The following UBL3 variants were observed in gnomAD, a reference collection of about 807,000 sequenced individuals.
UBL3 encodes the protein ubiquitin-like protein 3.
A neutral mutation model predicts 18.4 loss-of-function variants in UBL3; 6 were observed. The observed-to-expected ratio is 0.33, with a 90% CI of 0.18 to 0.64. The LOEUF is 0.64. UBL3 is among the 30% of genes least tolerant of loss of function. The pLI, the probability that UBL3 is intolerant of heterozygous loss-of-function variation, is 0.76. For missense variants in UBL3, 109 were observed against 142.9 expected (o/e 0.76, Z 1.21); for synonymous variants, 49 against 46.6 (o/e 1.05, Z -0.21).
intron 1 of UBL3, among the ~76,000 whole-genome samples, chr13:29,830,098 G>T (rs1044400215): frequency 6.6e-6 from 1 of 152,144 alleles, no homozygotes; most frequent in Non-Finnish European, 1.5e-5. Flanking sequence ...AGTTATTCAA[G>T]TCACCTGGGG....
At chr13:29,822,033 A>G (rs1878467074) in intron 1 of UBL3, among the ~76,000 whole-genome samples, 2 of 152,246 alleles carry the variant, frequency 1.3e-5, no homozygotes, top group South Asian at 4.1e-4. Flanking sequence ...TGATATAATT[A>G]ACAATACCAC....
rs1171976779 is a variant in UBL3 at position 29,764,843 on chromosome 13, C to T, written c.*2412G>A. On this transcript the variant is annotated 3_prime_UTR_variant, in exon 5 of 5. Transcript: ENST00000380680. ...TTGGCAGAGGGATCTTCAAAAGTAG[C>T]CTTGGATATGAGGAATCGTATTTTA... The T allele has an allele frequency of 6.6e-6, 1 of 152,070 alleles. No individual in the cohort carries two copies. The highest frequency in any genetic ancestry group is 6.6e-5 in the Admixed American group (1 of 15,258). 9.4% of individuals were successfully genotyped at this position (152,070 alleles called of 1,614,324 possible). A position where few individuals can be genotyped will look rare whatever the true frequency, so the allele number is the denominator to read the frequency against.
At chr13:29,777,355 A>T (rs1283261033) in intron 1 of UBL3, 92 bp from the exon 2 acceptor site, 7 of 961,484 alleles carry the variant, frequency 7.3e-6, no homozygotes, top group Non-Finnish European at 1.1e-5. Flanking sequence ...ATCACATCCT[A>T]AATTATTACC....
chr13:29,793,675 T>A (rs144251629), intron 1 of UBL3, among the ~76,000 whole-genome samples: 3 of 152,174 alleles, frequency 2.0e-5, no homozygotes, highest in South Asian at 2.1e-4. Flanking sequence ...CTCAAGAATA[T>A]GTGAGGGATG....
rs780971739 is a variant in UBL3 at position 29,777,203 on chromosome 13, C to T, written c.88G>A (p.Asp30Asn). The change falls in exon 2 of 5, where the codon GAT (aspartate) becomes AAT (asparagine). Residue 30 changes from aspartate to asparagine, a missense_variant. By Grantham distance (23) the Asp-to-Asn change is conservative. Coordinates refer to ENST00000380680, the MANE Select transcript of UBL3 (RefSeq NM_007106.4). The stretch of plus-strand genomic sequence containing the variant: ...TGCTTTGCAATGTCAGAAGCAGAAT[C>T]GTTAGGAGAAAACAGGAACTCTTTT... ...KTKEFLFSPN[D>N]SASDIAKHVY... 7 of 1,609,644 alleles carry T rather than the reference C, an allele frequency of 4.3e-6. No homozygotes were observed. The highest frequency in any genetic ancestry group is 5.9e-6 in the Non-Finnish European group (7 of 1,177,908).
chr13:29,834,058 G>A (rs903373227), intron 1 of UBL3, among the ~76,000 whole-genome samples: 3 of 151,938 alleles, frequency 2.0e-5, no homozygotes, highest in Non-Finnish European at 4.4e-5. Context: ...CAGGTGGCGC[G>A]TGCCTGTAAT....
At chr13:29,845,457 G>C (rs1288989072) in intron 1 of UBL3, among the ~76,000 whole-genome samples, 1 of 151,992 alleles carries the variant, frequency 6.6e-6, no homozygotes, top group South Asian at 2.1e-4. Context: ...AACTAAAGAG[G>C]AAAAAGTCCC....
intron 1 of UBL3, among the ~76,000 whole-genome samples, chr13:29,814,207 A>C (rs1207360982): frequency 1.3e-5 from 2 of 152,120 alleles, no homozygotes; most frequent in African/African-American, 4.8e-5. Flanking sequence ...GAATAAATAC[A>C]GGTTGTTTTA....
intron 2 of UBL3, among the ~76,000 whole-genome samples, chr13:29,775,999 T>C (rs932989487): frequency 2.6e-5 from 4 of 152,014 alleles, no homozygotes; most frequent in African/African-American, 9.7e-5. Context: ...GTTACTGGCT[T>C]GAAAATGGAA....
intron 1 of UBL3, among the ~76,000 whole-genome samples, chr13:29,833,148 C>T (rs772677116): frequency 1.3e-5 from 2 of 152,150 alleles, no homozygotes; most frequent in Non-Finnish European, 2.9e-5. Flanking sequence ...CCTGGATTAG[C>T]ATGTGAGTGA....
chr13:29,770,303 C>T lies in UBL3; in HGVS notation c.223+1809G>A, dbSNP rs182917948. Among the ~76,000 whole-genome samples, 7 of 152,106 alleles carry T rather than the reference C, an allele frequency of 4.6e-5. No homozygotes were observed. The East Asian group carries it at 7.7e-4, about 17-fold the overall frequency. Reference sequence around the variant, plus strand: ...TCAAACATCCAGCTACAATTATTAACGCGGAGGTCCAGGCCATGCTTCTAC... The same window carrying T: ...TCAAACATCCAGCTACAATTATTAATGCGGAGGTCCAGGCCATGCTTCTAC... On this transcript the variant is annotated intron_variant, in intron 3 of 4. Coordinates refer to ENST00000380680, the MANE Select transcript of UBL3 (RefSeq NM_007106.4).
chr13:29,835,119 T>TAA (rs1878904355), intron 1 of UBL3, among the ~76,000 whole-genome samples: 1 of 20,568 alleles, frequency 4.9e-5, no homozygotes, highest in Non-Finnish European at 7.1e-5. Context: ...TATATATATA[T>TAA]ATATAAATAT....
chr13:29,800,337 G>A (rs1360295443), intron 1 of UBL3, among the ~76,000 whole-genome samples: 1 of 152,164 alleles, frequency 6.6e-6, no homozygotes, highest in African/African-American at 2.4e-5. Context: ...GACTGAATGA[G>A]TTAGTAAGTT....
chr13:29,833,071 G>C (rs560131133), intron 1 of UBL3, among the ~76,000 whole-genome samples: 1 of 152,214 alleles, frequency 6.6e-6, no homozygotes, highest in East Asian at 1.9e-4. Context: ...GCCAACAGGA[G>C]ATGAGGCTGG....
intron 1 of UBL3, among the ~76,000 whole-genome samples, chr13:29,793,552 A>T (rs1313798233): frequency 6.6e-6 from 1 of 152,150 alleles, no homozygotes; most frequent in Non-Finnish European, 1.5e-5. Context: ...TTTTCTTCTT[A>T]TTACTTTAAT....
At chr13:29,814,662 G>A (rs1878223077) in intron 1 of UBL3, among the ~76,000 whole-genome samples, 1 of 152,112 alleles carries the variant, frequency 6.6e-6, no homozygotes, top group African/African-American at 2.4e-5. Flanking sequence ...CAGCACATAA[G>A]CTAATGAGAT....
intron 1 of UBL3, among the ~76,000 whole-genome samples, chr13:29,827,953 G>A (rs913408284): frequency 1.2e-4 from 19 of 152,144 alleles, no homozygotes; most frequent in Non-Finnish European, 1.6e-4. Flanking sequence ...TAGTTTGGCT[G>A]GATATGAAAT....
At chr13:29,841,395 G>A (rs1448110730) in intron 1 of UBL3, among the ~76,000 whole-genome samples, 1 of 152,048 alleles carries the variant, frequency 6.6e-6, no homozygotes, top group Admixed American at 6.5e-5. Context: ...AGCATTCAAA[G>A]TAGTACTTTT....
At position 29,848,309 on chromosome 13, in the gene UBL3, TAGCC is replaced by T. The variant is rs553671433; in HGVS notation, c.27+1199_27+1202del. 4.3e-4 allele frequency among the ~76,000 whole-genome samples: 43 copies of T among 100,444 alleles called. No individual in the cohort carries two copies. The South Asian group carries it at 8.2e-3, about 19-fold the overall frequency. 65.9% of individuals were successfully genotyped at this position (100,444 alleles called of 152,430 possible). The stretch of plus-strand genomic sequence containing the variant: ...AAAAAAAAAAAAAAAAAAAAAAAAT[TAGCC>T]AGGTGTGGTGGTGGGCACCTGTAAT... On this transcript the variant is annotated intron_variant, in intron 1 of 4. Transcript: ENST00000380680.
Sources: allele counts gnomAD v4.1 joint callset (sites outside exome capture counted in the v4.1 genomes callset), GRCh38; gene constraint gnomAD v4.1.1; transcripts MANE v1.5; gene names NCBI Gene and HGNC (gene_info 2026-07-23, HGNC 2026-07-21).